Variants in LPIN2 observed in about 807,000 individuals in gnomAD.
LPIN2 encodes phosphatidate phosphatase LPIN2.
A neutral mutation model predicts 111.4 loss-of-function variants in LPIN2; 55 were observed. That is an observed-to-expected ratio of 0.49 (90% CI 0.40 to 0.62). The LOEUF (loss-of-function observed/expected upper bound fraction) is 0.62. Among genes scored for constraint, LPIN2 ranks in the 20% least tolerant of loss-of-function variants. LPIN2 has a pLI of 0.00. For synonymous variants in LPIN2, 425 were observed against 414.0 expected, an observed-to-expected ratio of 1.03 and a Z score of -0.32; for missense variants, 992 against 1,112.1, an observed-to-expected ratio of 0.89 and a Z score of 1.54.
intron 1 of LPIN2, chr18:2,972,323 C>T (rs991880192): frequency 1.3e-5 from 2 of 152,172 alleles, no homozygotes; most frequent in Non-Finnish European, 1.5e-5. Context: ...CAGCAACTCG[C>T]GGCAGAGACT....
intron 4 of LPIN2, chr18:2,950,188 T>C (rs1361086824): frequency 6.6e-6 from 1 of 152,218 alleles, no homozygotes; most frequent in Non-Finnish European, 1.5e-5. Flanking sequence ...ACATACCAGA[T>C]TGAGCTAGGG....
chr18:3,007,277 T>G (rs1056206930), intron 1 of LPIN2, among the ~76,000 whole-genome samples: 4 of 152,150 alleles, frequency 2.6e-5, no homozygotes, highest in Admixed American at 2.0e-4. Flanking sequence ...GTTCATGCCA[T>G]TCCCCTGCCT....
At chr18:2,971,960 T>A (rs1005252808) in intron 1 of LPIN2, among the ~76,000 whole-genome samples, 1 of 151,854 alleles carries the variant, frequency 6.6e-6, no homozygotes, top group Non-Finnish European at 1.5e-5. Flanking sequence ...GACACGAGAA[T>A]CGCTTGAACC....
intron 1 of LPIN2, among the ~76,000 whole-genome samples, chr18:2,974,538 T>A (rs557212174): frequency 3.9e-5 from 6 of 152,342 alleles, no homozygotes; most frequent in African/African-American, 1.4e-4. Flanking sequence ...TGGTGAAAAT[T>A]CAAATTCATT....
chr18:2,946,011 T>A (rs776165398), intron 4 of LPIN2: 10 of 1,380,790 alleles, frequency 7.2e-6, no homozygotes. Context: ...CAGAATGATA[T>A]ACACAGACTT....
At chr18:2,928,544 A>G (rs1376546457) in intron 11 of LPIN2, 47 bp downstream of exon 11, 1 of 1,555,898 alleles carries the variant, frequency 6.4e-7, no homozygotes, top group East Asian at 2.2e-5. Flanking sequence ...TAAGTACTAG[A>G]CACTGCGGAT....
chr18:2,947,041 A>AT (rs2077464060), intron 4 of LPIN2, among the ~76,000 whole-genome samples: 1 of 152,344 alleles, frequency 6.6e-6, no homozygotes, highest in Middle Eastern at 3.4e-3. Context: ...CTAGAAGCCA[A>AT]TTACCGATCA....
chr18:2,960,493 T>C (rs1175650692), intron 2 of LPIN2, 156 bp downstream of exon 2: 10 of 718,920 alleles, frequency 1.4e-5, no homozygotes, highest in Middle Eastern at 3.8e-4. Context: ...TCTCGTAACA[T>C]TGTCTCAACA....
At chr18:2,933,767 G>A (rs926009381) in intron 8 of LPIN2, among the ~76,000 whole-genome samples, 3 of 152,122 alleles carry the variant, frequency 2.0e-5, no homozygotes, top group African/African-American at 7.3e-5. Context: ...AACTTGGGAA[G>A]GCAGTCCAAG....
intron 4 of LPIN2, among the ~76,000 whole-genome samples, chr18:2,943,686 T>C (rs1449909089): frequency 6.6e-6 from 1 of 152,180 alleles, no homozygotes; most frequent in Non-Finnish European, 1.5e-5. Flanking sequence ...TCCTAAATCA[T>C]GGAATATAAC....
chr18:2,976,147 A>C (rs1196165228), intron 1 of LPIN2, among the ~76,000 whole-genome samples: 1 of 152,222 alleles, frequency 6.6e-6, no homozygotes, highest in Non-Finnish European at 1.5e-5. Context: ...CCATTAAAGA[A>C]CTTTAGTTAA....
intron 2 of LPIN2, among the ~76,000 whole-genome samples, chr18:2,957,105 T>C (rs1486861504): frequency 1.3e-5 from 2 of 152,240 alleles, no homozygotes; most frequent in African/African-American, 4.8e-5. Context: ...TGTGGCTTAA[T>C]TGTGCTGAAC....
intron 1 of LPIN2, among the ~76,000 whole-genome samples, chr18:3,008,879 G>GTTTTTT (rs76748358): frequency 1.1e-4 from 13 of 123,294 alleles, no homozygotes; most frequent in African/African-American, 3.9e-4. Context: ...CCACAGCTGT[G>GTTTTTT]TTTTTTTTTT....
At chr18:2,958,141 CA>C (rs1224779773) in intron 2 of LPIN2, among the ~76,000 whole-genome samples, 3,110 of 11,864 alleles carry the variant, frequency 0.26, 232 homozygotes, top group Middle Eastern at 0.44. Flanking sequence ...GACTCCATCT[CA>C]AAAAAAAAAA....
chr18:2,993,833 C>T (rs1189649992), intron 1 of LPIN2, among the ~76,000 whole-genome samples: 2 of 152,158 alleles, frequency 1.3e-5, no homozygotes, highest in Non-Finnish European at 2.9e-5. Flanking sequence ...TTGCAATATA[C>T]CCTCTTTACA....
At chr18:3,005,706 C>CACA (rs2078504906) in intron 1 of LPIN2, among the ~76,000 whole-genome samples, 1 of 141,906 alleles carries the variant, frequency 7.0e-6, no homozygotes, top group South Asian at 2.2e-4. Context: ...CACACACACA[C>CACA]AGCTTATCCA....
chr18:2,997,901 T>G (rs1164521331), intron 1 of LPIN2, among the ~76,000 whole-genome samples: 2 of 152,176 alleles, frequency 1.3e-5, no homozygotes, highest in Non-Finnish European at 2.9e-5. Context: ...ATTCACTACT[T>G]CCCTACTGTT....
In LPIN2 at chr18:2,918,611, A is replaced by AG. The variant is rs961109038; in HGVS notation, c.*1681dup. The AG allele has an allele frequency of 2.0e-5, 3 of 152,174 alleles. No individual in the cohort carries two copies. Among genetic ancestry groups the AG allele is most frequent in the Admixed American group, 2.0e-4 (3 of 15,288 alleles). The allele number at this position is 152,174 out of a possible 1,614,324, so 9.4% of individuals were successfully genotyped here. On this transcript the variant is annotated 3_prime_UTR_variant, in exon 20 of 20. Transcript: ENST00000677752. Reference sequence around the variant, plus strand: ...TAAGCTGGGGGAAGCTTTGCATGGGAGAAGGCTCATGTGGTCCCTTCTCTG... The same window carrying AG: ...TAAGCTGGGGGAAGCTTTGCATGGGAGGAAGGCTCATGTGGTCCCTTCTCTG...
intron 1 of LPIN2, chr18:2,990,682 T>C (rs2078252321): frequency 1.4e-5 from 4 of 282,606 alleles, no homozygotes; most frequent in South Asian, 1.4e-4. Flanking sequence ...CATCCATGAC[T>C]CTCCATTTAT....
Sources: allele counts gnomAD v4.1 joint callset (sites outside exome capture counted in the v4.1 genomes callset), GRCh38; gene constraint gnomAD v4.1.1; transcripts MANE v1.5; gene names NCBI Gene and HGNC (gene_info 2026-07-23, HGNC 2026-07-21).